CRTC1: variants seen among roughly 807,000 people sequenced by gnomAD.
CRTC1 encodes the protein CREB regulated transcription coactivator 1.
CRTC1 carries 18 observed loss-of-function variants against 66.1 expected under a neutral mutation model. That is an observed-to-expected ratio of 0.27 (90% CI 0.19 to 0.40). The LOEUF is 0.40. Ranked by LOEUF, CRTC1 falls within the 10% of genes least tolerant of loss-of-function variation. The pLI, the probability that CRTC1 is intolerant of heterozygous loss-of-function variation, is 1.00. For synonymous variants in CRTC1, 416 were observed against 398.8 expected, an observed-to-expected ratio of 1.04 and a Z score of -0.51; for missense variants, 669 against 887.9, an observed-to-expected ratio of 0.75 and a Z score of 3.13.
chr19:18,723,619 G>A (rs1020842097), intron 1 of CRTC1, among the ~76,000 whole-genome samples: 1 of 152,232 alleles, frequency 6.6e-6, no homozygotes, highest in African/African-American at 2.4e-5. Flanking sequence ...CGGTGGGCTT[G>A]CGTCACATTA....
chr19:18,694,431 C>T (rs1007323949), intron 1 of CRTC1, among the ~76,000 whole-genome samples: 2 of 151,954 alleles, frequency 1.3e-5, no homozygotes, highest in African/African-American at 2.4e-5. Context: ...AACATGGGCA[C>T]AACCATTTAT....
At chr19:18,743,072 C>G in intron 2 of CRTC1, 46 bp downstream of exon 2, 2 of 1,449,216 alleles carry the variant, frequency 1.4e-6, no homozygotes, top group Non-Finnish European at 1.9e-6. Context: ...GGGAGCTTCC[C>G]CCAGCCTCCC....
chr19:18,694,951 A>C (rs910210141), intron 1 of CRTC1, among the ~76,000 whole-genome samples: 3 of 151,048 alleles, frequency 2.0e-5, no homozygotes, highest in African/African-American at 7.3e-5. Flanking sequence ...GCTCACTGCA[A>C]CCTCTGCCTC....
rs748380527 is a variant in CRTC1, at chr19:18,768,455, C to G, written c.1012-30C>G. The G allele has an allele frequency of 1.9e-6, 3 of 1,595,944 alleles. No individual in the cohort carries two copies. Among genetic ancestry groups the G allele is most frequent in the Admixed American group, 1.7e-5 (1 of 59,286 alleles). On this transcript the variant is annotated intron_variant, in intron 9 of 13. Coordinates refer to ENST00000321949, the MANE Select transcript of CRTC1 (RefSeq NM_015321.3). This position sits in a 1 kb window ranked among gnomAD's most constrained non-coding sequence, Gnocchi z 5.6. ...GGGCCAGGCGCTGACAACCAGGGCC[C>G]GCCCTGCCTGACGCTCTCCTCTCCT...
intron 1 of CRTC1, among the ~76,000 whole-genome samples, chr19:18,727,600 A>AAAAAAAAAAAAAAAG (rs1245345054): frequency 2.0e-5 from 3 of 149,738 alleles, no homozygotes; most frequent in African/African-American, 7.4e-5. Flanking sequence ...AAAAAAAAGA[A>AAAAAAAAAAAAAAAG]GAAGAAAGGG....
chr19:18,758,534 G>C (rs527585489), intron 6 of CRTC1, among the ~76,000 whole-genome samples: 1 of 152,218 alleles, frequency 6.6e-6, no homozygotes, highest in South Asian at 2.1e-4. Context: ...AGAAAAACCA[G>C]TGTCATGCTG....
At chr19:18,708,202 C>T (rs576861337) in intron 1 of CRTC1, among the ~76,000 whole-genome samples, 2 of 152,158 alleles carry the variant, frequency 1.3e-5, no homozygotes, top group South Asian at 4.2e-4. Context: ...AGAGAGGAGA[C>T]CCAGATCTGG....
At chr19:18,728,004 G>C (rs1313104981) in intron 1 of CRTC1, among the ~76,000 whole-genome samples, 1 of 152,208 alleles carries the variant, frequency 6.6e-6, no homozygotes, top group Non-Finnish European at 1.5e-5. Flanking sequence ...GGGATTACAG[G>C]CGTGAGCCAC....
chr19:18,753,116 TA>T (rs929662181), intron 5 of CRTC1, among the ~76,000 whole-genome samples: 10 of 147,738 alleles, frequency 6.8e-5, no homozygotes, highest in African/African-American at 9.9e-5. Context: ...ATAAAAAAAA[TA>T]AAAAAAAAAT....
chr19:18,745,954 A>T lies in CRTC1; in HGVS notation c.375A>T (p.Gly125=). The T allele has an allele frequency of 6.2e-7, 1 of 1,609,916 alleles. No homozygotes were observed. ...HRRPLSVDKH[G]RQADSCPYGT... ...GGCCCCTGTCAGTGGACAAACACGG[A>T]CGGCAGATATCCTTTTCACCAGAGG... The change falls in exon 3 of 14, where the codon GGA becomes GGT. Residue 125 remains glycine, a synonymous_variant. Transcript: ENST00000321949.
At chr19:18,730,974 C>T (rs1600868383) in intron 1 of CRTC1, among the ~76,000 whole-genome samples, 1 of 151,966 alleles carries the variant, frequency 6.6e-6, no homozygotes, top group South Asian at 2.1e-4. Flanking sequence ...TCCTTCCCTC[C>T]TTCCCTCCTT....
intron 1 of CRTC1, among the ~76,000 whole-genome samples, chr19:18,707,532 T>C (rs2053293233): frequency 6.6e-6 from 1 of 152,254 alleles, no homozygotes. Flanking sequence ...AATAACAAAG[T>C]GTGAGTCCTC....
chr19:18,759,330 C>T (rs2054561426), intron 6 of CRTC1, among the ~76,000 whole-genome samples: 1 of 152,252 alleles, frequency 6.6e-6, no homozygotes, highest in East Asian at 1.9e-4. Flanking sequence ...CTCTGTGCAA[C>T]TCTTGGCTTC....
chr19:18,691,522 CAAAAAAAA>C (rs60633222), intron 1 of CRTC1, among the ~76,000 whole-genome samples: 2 of 72,666 alleles, frequency 2.8e-5, no homozygotes, highest in East Asian at 4.0e-4. Flanking sequence ...CCCTTTTCTC[CAAAAAAAA>C]AAAAAAAAAA....
chr19:18,771,075 T>G lies in CRTC1; in HGVS notation c.1321-367T>G, dbSNP rs1457164622. On this transcript the variant is annotated intron_variant, in intron 10 of 13. Coordinates refer to ENST00000321949, the MANE Select transcript of CRTC1 (RefSeq NM_015321.3). The surrounding 1 kb of genome is among the most constrained non-coding windows in gnomAD (Gnocchi z 4.6). ...GTATGTATATTCTAGTGTGGATATG[T>G]GTACACGTGGGTATGTCTGTGTGGG... Among the ~76,000 whole-genome samples the G allele has an allele frequency of 6.6e-6, 1 of 151,628 alleles. No homozygotes were observed. The highest frequency in any genetic ancestry group is 1.5e-5 in the Non-Finnish European group (1 of 67,852).
intron 1 of CRTC1, among the ~76,000 whole-genome samples, chr19:18,731,119 G>GGT (rs1443249362): frequency 6.6e-6 from 1 of 152,176 alleles, no homozygotes; most frequent in Non-Finnish European, 1.5e-5. Flanking sequence ...TGGGACTACA[G>GGT]GTGTGTGCCA....
At chr19:18,732,454 C>T (rs1167454143) in intron 1 of CRTC1, among the ~76,000 whole-genome samples, 1 of 152,184 alleles carries the variant, frequency 6.6e-6, no homozygotes, top group Non-Finnish European at 1.5e-5. Flanking sequence ...CTTCCAGCCT[C>T]CAGAAGGAAG....
At chr19:18,759,501 GC>G (rs1351800281) in intron 6 of CRTC1, 49 bp from the exon 7 acceptor site, 4 of 1,593,978 alleles carry the variant, frequency 2.5e-6, no homozygotes, top group South Asian at 1.1e-5. Context: ...CAGGAGGAGG[GC>G]CCCACAGGGT....
chr19:18,781,903 C>T lies in CRTC1; in HGVS notation c.*4521C>T, dbSNP rs183610750. 1.0e-3 allele frequency: 237 copies of T among 230,826 alleles called. No individual in the cohort carries two copies. The highest frequency in any genetic ancestry group is 1.5e-3 in the Admixed American group (26 of 17,724). 14.3% of individuals were successfully genotyped at this position (230,826 alleles called of 1,614,324 possible). ...AAGTGTTCTGGAATTTGGGGGCAAC[C>T]CTTGCCCAGCCCAGCCATCAAGAAC... On this transcript the variant is annotated 3_prime_UTR_variant, in exon 14 of 14. Transcript: ENST00000321949.
Sources: gnomAD v4.1 joint callset for allele counts (sites outside exome capture counted in the v4.1 genomes callset) on GRCh38, gnomAD v4.1.1 for gene constraint, Gnocchi (gnomAD v3.1) non-coding constraint, MANE v1.5 for transcripts, NCBI Gene and HGNC (gene_info 2026-07-23, HGNC 2026-07-21) for gene names.